Variants in MYOF observed in about 807,000 individuals in gnomAD.
The protein encoded by MYOF is fer-1-like 3, myoferlin.
Under a neutral mutation model 284.2 loss-of-function variants are expected in MYOF, and 244 were observed. The ratio of observed to expected loss-of-function variants is 0.86; its 90% CI spans 0.77 to 0.95. The LOEUF (loss-of-function observed/expected upper bound fraction) is 0.95, where lower values mean the gene tolerates loss of function less well. MYOF is among the 40% of genes least tolerant of loss of function. The probability of loss-of-function intolerance (pLI) is 0.00; values close to 1 mark genes in which losing one functional copy is unlikely to be tolerated. For synonymous variants in MYOF, 904 were observed against 919.7 expected, an observed-to-expected ratio of 0.98 and a Z score of 0.31; for missense variants, 2,496 against 2,560.6, an observed-to-expected ratio of 0.97 and a Z score of 0.54.
intron 2 of MYOF, among the ~76,000 whole-genome samples, chr10:93,455,483 C>A (rs961994542): frequency 2.6e-5 from 4 of 151,914 alleles, no homozygotes; most frequent in Middle Eastern, 3.2e-3. Context: ...GCCTGGGCAA[C>A]ACGGCAAAAG....
intron 17 of MYOF, among the ~76,000 whole-genome samples, chr10:93,389,764 C>A (rs1360480466): frequency 6.6e-6 from 1 of 152,086 alleles, no homozygotes; most frequent in Non-Finnish European, 1.5e-5. Context: ...GCTACCTGGT[C>A]TTAGCAAGAC....
intron 51 of MYOF, 49 bp downstream of exon 51, chr10:93,312,971 T>C (rs1445196376): frequency 1.3e-6 from 2 of 1,539,574 alleles, no homozygotes; most frequent in African/African-American, 1.4e-5. Context: ...AAAACCTAAA[T>C]GATAAAAGGC....
chr10:93,333,938 C>G, intron 41 of MYOF, 25 bp from the exon 42 acceptor site: 1 of 1,609,418 alleles, frequency 6.2e-7, no homozygotes, highest in Non-Finnish European at 8.5e-7. Flanking sequence ...CAGAAGGACT[C>G]ACAGGGCCCT....
At chr10:93,353,495 C>T (rs1380710275) in intron 32 of MYOF, among the ~76,000 whole-genome samples, 1 of 151,856 alleles carries the variant, frequency 6.6e-6, no homozygotes, top group Non-Finnish European at 1.5e-5. Flanking sequence ...ACCTGAGGGT[C>T]CAGGGATGAA....
rs1844826171 is a variant in MYOF at position 93,356,796 on chromosome 10, C to A, written c.3173G>T (p.Gly1058Val). 4.3e-6 allele frequency: 7 copies of A among 1,614,118 alleles called. No individual in the cohort carries two copies. Among genetic ancestry groups the A allele is most frequent in the East Asian group, 2.2e-5 (1 of 44,886 alleles). Residue 1058 changes from glycine to valine, a missense_variant, in exon 30 of 54, where the codon GGC becomes GTC. By Grantham distance (109) the Gly-to-Val change is moderately radical. Transcript: ENST00000359263. Reference protein sequence around the residue: ...QEGWEYASLIGWKFHWKQRSS... With the variant: ...QEGWEYASLIVWKFHWKQRSS... ...ACGTTGTTTCCAGTGAAATTTCCAG[C>A]CAATTAGAGAAGCATATTCCCAGCC... is the stretch of plus-strand genomic sequence containing the variant.
chr10:93,339,399 G>A (rs531849029), intron 39 of MYOF, among the ~76,000 whole-genome samples: 93 of 152,174 alleles, frequency 6.1e-4, no homozygotes, highest in African/African-American at 2.2e-3. Flanking sequence ...GTGTGAATGC[G>A]TGTGTGTTAC....
intron 27 of MYOF, among the ~76,000 whole-genome samples, chr10:93,363,723 A>C (rs559852259): frequency 6.6e-6 from 1 of 152,344 alleles, no homozygotes; most frequent in African/African-American, 2.4e-5. Flanking sequence ...TTACCTAAAA[A>C]ATTTGCACAA....
chr10:93,360,176 T>C (rs1331475680), intron 28 of MYOF, among the ~76,000 whole-genome samples, 198 bp from the exon 29 acceptor site: 1 of 152,250 alleles, frequency 6.6e-6, no homozygotes, highest in African/African-American at 2.4e-5. Flanking sequence ...CTCCTCAAAA[T>C]GCCTCCTTGG....
intron 30 of MYOF, among the ~76,000 whole-genome samples, 181 bp from the exon 31 acceptor site, chr10:93,355,917 C>T (rs528622856): frequency 7.2e-5 from 11 of 152,256 alleles, no homozygotes; most frequent in African/African-American, 2.2e-4. Context: ...TCCCTGAAGT[C>T]GCTTAGCTGG....
chr10:93,378,695 A>ATATATATATATATATATATATATATG, intron 21 of MYOF, among the ~76,000 whole-genome samples: 1 of 60,224 alleles, frequency 1.7e-5, no homozygotes, highest in African/African-American at 9.7e-5. Flanking sequence ...GTGTGTGTGT[A>ATATATATATATATATATATATATATG]TATATATATA....
At chr10:93,325,729 A>C in intron 46 of MYOF, 97 bp downstream of exon 46, 1 of 1,381,220 alleles carries the variant, frequency 7.2e-7, no homozygotes, top group Non-Finnish European at 9.9e-7. Flanking sequence ...TGTGCATCTC[A>C]AAGTATTCAA....
chr10:93,344,427 A>G (rs1293154711), intron 37 of MYOF, among the ~76,000 whole-genome samples: 1 of 152,008 alleles, frequency 6.6e-6, no homozygotes, highest in Non-Finnish European at 1.5e-5. Context: ...TGAGTCTCCA[A>G]TGTCCATTGT....
intron 2 of MYOF, among the ~76,000 whole-genome samples, chr10:93,453,168 A>G (rs788109): frequency 0.71 from 107,747 of 151,462 alleles, 38,695 homozygotes; most frequent in East Asian, 0.77. Context: ...CACCATACCC[A>G]GCTAATTTTT....
intron 43 of MYOF, among the ~76,000 whole-genome samples, chr10:93,330,587 T>A (rs1030754925): frequency 2.6e-5 from 4 of 152,202 alleles, no homozygotes; most frequent in African/African-American, 9.7e-5. Flanking sequence ...AGAACCCATA[T>A]GAAAATGCAA....
chr10:93,395,304 G>A lies in MYOF; in HGVS notation c.1417+838C>T, dbSNP rs182769033. On this transcript the variant is annotated intron_variant, in intron 16 of 53. Coordinates refer to ENST00000359263, the MANE Select transcript of MYOF (RefSeq NM_013451.4). ...CTACAAATACAAAAATTAGCTGGGC[G>A]TGGTGGCATGCGCCTGTAGTCCCAG... Among the ~76,000 whole-genome samples the A allele has an allele frequency of 2.6e-4, 40 of 152,238 alleles. 1 individual carries two copies. The East Asian group carries it at 6.8e-3, about 26-fold the overall frequency.
intron 7 of MYOF, among the ~76,000 whole-genome samples, chr10:93,405,280 T>C (rs752990250): frequency 6.6e-6 from 1 of 152,228 alleles, no homozygotes; most frequent in Non-Finnish European, 1.5e-5. Flanking sequence ...ACAGAGTCAA[T>C]TTTCAAATTT....
intron 1 of MYOF, among the ~76,000 whole-genome samples, chr10:93,473,317 T>A (rs1220338635): frequency 6.6e-6 from 1 of 152,196 alleles, no homozygotes; most frequent in African/African-American, 2.4e-5. Flanking sequence ...TGTCTTGGCC[T>A]TCCATGCCCC....
chr10:93,310,102 C>G lies in MYOF; in HGVS notation c.6065G>C (p.Arg2022Pro). 1.2e-6 allele frequency: 2 copies of G among 1,614,086 alleles called. No homozygotes were observed. Among genetic ancestry groups the G allele is most frequent in the Non-Finnish European group, 1.7e-6 (2 of 1,180,002 alleles). Reference sequence around the variant, plus strand: ...GCCGATGATGACCCACTTAAAGCGGCGCCACACGATGAACTTCATGGTCTT... The same window carrying G: ...GCCGATGATGACCCACTTAAAGCGGGGCCACACGATGAACTTCATGGTCTT... The part of the protein sequence containing the change: ...PCKTMKFIVW[R>P]RFKWVIIGLL... The change falls in exon 53 of 54, where the codon CGC becomes CCC. Residue 2022 changes from arginine to proline, a missense_variant. Arg to Pro is a moderately radical substitution (Grantham distance 103). Around this residue, in one of 3 missense-constraint regions of MYOF, gnomAD observed 2,436 missense variants for 2,480.7 expected, o/e 0.98. Coordinates refer to ENST00000359263, the MANE Select transcript of MYOF (RefSeq NM_013451.4).
intron 46 of MYOF, among the ~76,000 whole-genome samples, chr10:93,324,778 C>CT (rs1353767059): frequency 6.7e-6 from 1 of 150,218 alleles, no homozygotes; most frequent in Admixed American, 6.6e-5. Context: ...ATTAATATTT[C>CT]TTTTTTTCTT....
Sources: gnomAD v4.1 joint callset for allele counts (sites outside exome capture counted in the v4.1 genomes callset) on GRCh38, gnomAD v4.1.1 for gene constraint, gnomAD v4.1.1 regional missense constraint, MANE v1.5 for transcripts, NCBI Gene and HGNC (gene_info 2026-07-23, HGNC 2026-07-21) for gene names.